Variants in SOX5 observed in about 807,000 individuals in gnomAD.
SOX5 encodes the protein transcription factor SOX-5.
A neutral mutation model predicts 92.0 loss-of-function variants in SOX5; 9 were observed. The ratio of observed to expected loss-of-function variants is 0.10; its 90% confidence interval spans 0.06 to 0.17. The LOEUF is 0.17. SOX5 is among the 10% of genes least tolerant of loss of function. The pLI is 1.00. For synonymous variants in SOX5, 344 were observed against 336.3 expected (o/e 1.02, Z -0.25); for missense variants, 642 against 944.5 (o/e 0.68, Z 4.20).
At chr12:23,784,586 A>G (rs1189435182) in intron 3 of SOX5, among the ~76,000 whole-genome samples, 1 of 152,182 alleles carries the variant, frequency 6.6e-6, no homozygotes. Context: ...TTGGCCTCCC[A>G]AAGTGCTGGG....
intron 3 of SOX5, among the ~76,000 whole-genome samples, chr12:24,254,799 A>G (rs1048352128): frequency 1.3e-5 from 2 of 151,640 alleles, no homozygotes; most frequent in South Asian, 2.1e-4. Flanking sequence ...AATGTTATTT[A>G]TGATCTTTCT....
intron 2 of SOX5, among the ~76,000 whole-genome samples, 169 bp from the exon 3 acceptor site, chr12:23,846,362 A>C (rs2096575268): frequency 6.6e-6 from 1 of 152,214 alleles, no homozygotes; most frequent in Non-Finnish European, 1.5e-5. Flanking sequence ...TAAAAAGTGA[A>C]ATGTCACTCT....
At chr12:23,793,075 C>T (rs1289367033) in intron 3 of SOX5, among the ~76,000 whole-genome samples, 3 of 152,170 alleles carry the variant, frequency 2.0e-5, no homozygotes, top group Admixed American at 6.5e-5. Context: ...TCATGTAAGA[C>T]TTTCACCTAA....
chr12:24,439,617 G>A (rs577760530), intron 1 of SOX5, among the ~76,000 whole-genome samples: 43 of 152,258 alleles, frequency 2.8e-4, no homozygotes, highest in South Asian at 4.2e-4. Context: ...AAAATAGTCC[G>A]GGCGCAGTAG....
chr12:24,098,498 TA>T (rs1366977861), intron 4 of SOX5, among the ~76,000 whole-genome samples: 4 of 152,146 alleles, frequency 2.6e-5, no homozygotes, highest in Non-Finnish European at 4.4e-5. Context: ...ACTCCACCTG[TA>T]AATTATAGGA....
chr12:24,021,530 CT>C (rs1371680095), intron 4 of SOX5, among the ~76,000 whole-genome samples: 1 of 152,190 alleles, frequency 6.6e-6, no homozygotes, highest in Non-Finnish European at 1.5e-5. Flanking sequence ...ACAACATCGT[CT>C]TGTATAATCA....
chr12:23,587,775 C>G (rs1220181931), intron 9 of SOX5, among the ~76,000 whole-genome samples: 1 of 152,042 alleles, frequency 6.6e-6, no homozygotes, highest in African/African-American at 2.4e-5. Flanking sequence ...ATACACATGT[C>G]AATTTATATA....
intron 4 of SOX5, among the ~76,000 whole-genome samples, chr12:23,999,586 T>A (rs776401964): frequency 4.6e-5 from 7 of 152,108 alleles, no homozygotes; most frequent in Non-Finnish European, 1.0e-4. Context: ...CAATTTTTAT[T>A]TGTCAGTTAT....
At chr12:24,043,528 G>C (rs1029486484) in intron 4 of SOX5, among the ~76,000 whole-genome samples, 1 of 152,106 alleles carries the variant, frequency 6.6e-6, no homozygotes, top group African/African-American at 2.4e-5. Context: ...TGTTCTACCC[G>C]CATGTGTCCA....
intron 1 of SOX5, among the ~76,000 whole-genome samples, chr12:24,373,024 G>C (rs1217296279): frequency 6.6e-6 from 1 of 151,924 alleles, no homozygotes; most frequent in Non-Finnish European, 1.5e-5. Flanking sequence ...AGGCTAAGGT[G>C]GGAGGATGAT....
chr12:23,829,330 A>G (rs1308858918), intron 3 of SOX5, among the ~76,000 whole-genome samples: 1 of 152,132 alleles, frequency 6.6e-6, no homozygotes, highest in Non-Finnish European at 1.5e-5. Flanking sequence ...TCCTCCAGCT[A>G]GTCTTGACAA....
At chr12:23,911,578 T>C (rs1390859246) in intron 1 of SOX5, among the ~76,000 whole-genome samples, 1 of 152,108 alleles carries the variant, frequency 6.6e-6, no homozygotes, top group Non-Finnish European at 1.5e-5. Flanking sequence ...AAAACCTCTC[T>C]GGAAATGTTT....
intron 1 of SOX5, among the ~76,000 whole-genome samples, chr12:24,514,354 G>T (rs890842264): frequency 6.6e-6 from 1 of 152,126 alleles, no homozygotes; most frequent in African/African-American, 2.4e-5. Flanking sequence ...TACTGAAGTT[G>T]CAGACCAATA....
chr12:23,773,296 C>T (rs1031463784), intron 3 of SOX5, among the ~76,000 whole-genome samples: 1 of 152,100 alleles, frequency 6.6e-6, no homozygotes, highest in Non-Finnish European at 1.5e-5. Flanking sequence ...TGGCAAAATA[C>T]AATCTATTCT....
At chr12:24,343,423 CA>C (rs1952805278) in intron 2 of SOX5, among the ~76,000 whole-genome samples, 1 of 150,814 alleles carries the variant, frequency 6.6e-6, no homozygotes, top group African/African-American at 2.4e-5. Context: ...ACTGAGGACA[CA>C]AAATAAATTT....
chr12:24,335,479 C>T (rs142163135), intron 2 of SOX5, among the ~76,000 whole-genome samples: 2 of 152,258 alleles, frequency 1.3e-5, no homozygotes, highest in East Asian at 1.9e-4. Context: ...TATTATTACC[C>T]TCATTGTACA....
intron 1 of SOX5, among the ~76,000 whole-genome samples, chr12:23,942,657 GCT>G (rs764779864): frequency 3.3e-5 from 1 of 30,160 alleles, no homozygotes; most frequent in African/African-American, 1.6e-4. Flanking sequence ...AGGCTCTGAG[GCT>G]TTTTTTTTTT....
intron 4 of SOX5, among the ~76,000 whole-genome samples, chr12:24,152,247 T>C (rs1206221927): frequency 1.3e-5 from 2 of 152,232 alleles, no homozygotes; most frequent in African/African-American, 4.8e-5. Context: ...CATTAATTAG[T>C]TAAAAGCATA....
rs145887214 is a variant in SOX5 at position 23,856,692 on chromosome 12, G to T, written c.271-10499C>A. ...AAAGCTGGTTTTCTCTCTCTTCAAA[G>T]AGTTTAAAATTAAATTTGAGAGGCA... On this transcript the variant is annotated intron_variant, in intron 2 of 14. Coordinates refer to ENST00000451604, the MANE Select transcript of SOX5 (RefSeq NM_006940.6). 1.9e-3 allele frequency among the ~76,000 whole-genome samples: 295 copies of T among 152,126 alleles called. 1 individual carries two copies. Among genetic ancestry groups the T allele is most frequent in the African/African-American group, 6.7e-3 (280 of 41,518 alleles).
Sources: gnomAD v4.1 joint callset for allele counts (sites outside exome capture counted in the v4.1 genomes callset) on GRCh38, gnomAD v4.1.1 for gene constraint, MANE v1.5 for transcripts, NCBI Gene and HGNC (gene_info 2026-07-23, HGNC 2026-07-21) for gene names.